Variants in CHD1L observed in about 807,000 individuals in gnomAD.
CHD1L encodes ATP-dependent chromatin remodeler CHD1L.
A neutral mutation model predicts 115.9 loss-of-function variants in CHD1L; 118 were observed. That is an observed-to-expected ratio of 1.02 (90% CI 0.88 to 1.19). The LOEUF is 1.19. CHD1L is among the 50% of genes most tolerant of loss of function. CHD1L has a pLI of 0.00. For synonymous variants in CHD1L, 411 were observed against 387.1 expected, an observed-to-expected ratio of 1.06 and a Z score of -0.72; for missense variants, 1,179 against 1,065.3, an observed-to-expected ratio of 1.11 and a Z score of -1.49.
At chr1:147,260,694 G>T (rs1671632510) in intron 6 of CHD1L, 1 of 152,072 alleles carries the variant, frequency 6.6e-6, no homozygotes, top group African/African-American at 2.4e-5. Context: ...GTTCACCTGG[G>T]TTCATGAAGA....
At chr1:147,286,554 G>A (rs1421299291) in intron 18 of CHD1L, 54 bp downstream of exon 18, 6 of 1,541,574 alleles carry the variant, frequency 3.9e-6, no homozygotes, top group East Asian at 2.2e-5. Flanking sequence ...ATGGTGCCAA[G>A]AACTGGGGAG....
chr1:147,260,014 C>T, intron 6 of CHD1L, 96 bp downstream of exon 6: 1 of 922,754 alleles, frequency 1.1e-6, no homozygotes, highest in Non-Finnish European at 1.7e-6. Flanking sequence ...CAAAATTGAA[C>T]AGAAACTACA....
chr1:147,284,333 T>G lies in CHD1L; in HGVS notation c.1706-18T>G. 1 of 1,533,976 alleles carries G rather than the reference T, an allele frequency of 6.5e-7. No individual in the cohort carries two copies. The highest frequency in any genetic ancestry group is 8.8e-7 in the Non-Finnish European group (1 of 1,134,210). On this transcript the variant is annotated intron_variant, in intron 15 of 22. Coordinates refer to ENST00000369258, the MANE Select transcript of CHD1L (RefSeq NM_004284.6). ...CCTTGGTATCTAACATTTCTCTCTT[T>G]GTGTTTTATGTTGTTAGAAAATCAT... is the stretch of plus-strand genomic sequence containing the variant.
chr1:147,285,504 C>T lies in CHD1L; in HGVS notation c.2018+17C>T. The T allele has an allele frequency of 6.2e-7, 1 of 1,601,428 alleles. No individual in the cohort carries two copies. The highest frequency in any genetic ancestry group is 8.5e-7 in the Non-Finnish European group (1 of 1,175,726). ...TAAGAAAAAGTATGTCTGCGTTAAC[C>T]AAGCTGGCGGCCACAGTTGAAGGAG... On this transcript the variant is annotated intron_variant, in intron 17 of 22. Transcript: ENST00000369258.
At chr1:147,278,070 A>G (rs1679220808) in intron 14 of CHD1L, among the ~76,000 whole-genome samples, 1 of 152,126 alleles carries the variant, frequency 6.6e-6, no homozygotes, top group African/African-American at 2.4e-5. Context: ...GCTCATGGTT[A>G]TCGGAAAGTT....
chr1:147,293,969 AG>A (rs1686608493), intron 21 of CHD1L, among the ~76,000 whole-genome samples: 1 of 152,130 alleles, frequency 6.6e-6, no homozygotes, highest in Non-Finnish European at 1.5e-5. Flanking sequence ...TTTACAGATG[AG>A]GTGGCAGAGG....
intron 20 of CHD1L, among the ~76,000 whole-genome samples, chr1:147,292,435 A>G (rs1553971371): frequency 3.9e-5 from 6 of 152,194 alleles, no homozygotes; most frequent in Non-Finnish European, 7.3e-5. Flanking sequence ...TCATGTTCAG[A>G]TTTTAAGCCA....
chr1:147,202,414 GGTTCAA>G, the CHD1L span, among the ~76,000 whole-genome samples: 9 of 142,984 alleles, frequency 6.3e-5, no homozygotes, highest in African/African-American at 2.1e-4. Flanking sequence ...CCACCTCCCA[GGTTCAA>G]GTGATTCTGC....
chr1:147,249,404 ATTTTTTTT>A (rs59773572), intron 1 of CHD1L, among the ~76,000 whole-genome samples: 1 of 94,174 alleles, frequency 1.1e-5, no homozygotes, highest in Non-Finnish European at 1.9e-5. Flanking sequence ...CTTGGTGTGT[ATTTTTTTT>A]TTTTTTTTTT....
At chr1:147,180,925 G>A in the CHD1L span, among the ~76,000 whole-genome samples, 1 of 152,192 alleles carries the variant, frequency 6.6e-6, no homozygotes, top group Non-Finnish European at 1.5e-5. Flanking sequence ...CTTGTGTCAA[G>A]TACAAGGCTG....
intron 21 of CHD1L, among the ~76,000 whole-genome samples, chr1:147,293,940 C>CG (rs782755549): frequency 1.2e-4 from 18 of 152,088 alleles, no homozygotes; most frequent in Non-Finnish European, 2.4e-4. Flanking sequence ...CTCCATCCCC[C>CG]GGGTATTTTT....
At chr1:147,258,360 C>G (rs1670792020) in intron 5 of CHD1L, among the ~76,000 whole-genome samples, 1 of 152,204 alleles carries the variant, frequency 6.6e-6, no homozygotes, top group African/African-American at 2.4e-5. Flanking sequence ...GCCTGTTTCA[C>G]TGAACAAGCA....
chr1:147,189,842 CTCTGGCAAG>C, the CHD1L span, among the ~76,000 whole-genome samples: 1 of 152,280 alleles, frequency 6.6e-6, no homozygotes, highest in East Asian at 1.9e-4. Context: ...CTCTTCCTTC[CTCTGGCAAG>C]TCTACTAGCA....
rs140343369 is a variant in CHD1L at position 147,276,166 on chromosome 1, C to T, written c.1448C>T (p.Ala483Val). 5.0e-6 allele frequency: 8 copies of T among 1,614,084 alleles called. No individual in the cohort carries two copies. The African/African-American group carries it at 1.1e-4, about 22-fold the overall frequency. ...GTGGAAGAAATAGTCTATAGGAAAG[C>T]AGCCTCCAAACTGCAGCTCACCAAC... ...DTVEEIVYRK[A>V]ASKLQLTNMI... The change falls in exon 14 of 23, where the codon GCA (alanine) becomes GTA (valine). Residue 483 changes from alanine (A) to valine (V), a missense_variant. Physicochemically the swap from Ala to Val is moderately conservative, Grantham distance 64. Transcript: ENST00000369258.
In CHD1L at chr1:147,242,789, C is replaced by T. The variant is rs1213085797; in HGVS notation, c.86C>T (p.Ala29Val). 3.1e-6 allele frequency: 4 copies of T among 1,273,274 alleles called. No individual in the cohort carries two copies. Among genetic ancestry groups the T allele is most frequent in the Admixed American group, 7.5e-5 (2 of 26,564 alleles). The allele number at this position is 1,273,274 out of a possible 1,614,324, so 78.9% of individuals were successfully genotyped here. The change falls in exon 1 of 23, where the codon GCG (alanine) becomes GTG (valine). Residue 29 changes from alanine to valine, a missense_variant. Transcript: ENST00000369258. ...RLHTEGRAEA[A>V]RVQEQDLRQW... ...CATACTGAGGGCCGAGCCGAGGCGGCGCGGGTGCAGGAGCAGGACTTACGG... is the reference window on the plus strand; with the variant it reads ...CATACTGAGGGCCGAGCCGAGGCGGTGCGGGTGCAGGAGCAGGACTTACGG...
chr1:147,222,638 A>C, the CHD1L span, among the ~76,000 whole-genome samples: 42 of 152,380 alleles, frequency 2.8e-4, no homozygotes, highest in Middle Eastern at 0.01. Context: ...GGTGAACCAC[A>C]CAGGTGTGGT....
At chr1:147,212,482 C>T in the CHD1L span, 6 of 1,613,900 alleles carry the variant, frequency 3.7e-6, no homozygotes, top group Middle Eastern at 9.9e-4. Context: ...GTGAATCCCT[C>T]TGGGTTCTTA....
chr1:147,283,238 C>G (rs914229904), intron 15 of CHD1L, among the ~76,000 whole-genome samples: 1 of 152,000 alleles, frequency 6.6e-6, no homozygotes, highest in African/African-American at 2.4e-5. Context: ...ATTTAATTAG[C>G]AAATGCCAAT....
intron 15 of CHD1L, among the ~76,000 whole-genome samples, chr1:147,282,352 C>T (rs1329969868): frequency 2.6e-5 from 4 of 152,170 alleles, no homozygotes; most frequent in African/African-American, 7.2e-5. Flanking sequence ...GTCAAGGGCT[C>T]ATGGCACTCC....
Sources: allele counts gnomAD v4.1 joint callset (sites outside exome capture counted in the v4.1 genomes callset), GRCh38; gene constraint gnomAD v4.1.1; transcripts MANE v1.5; gene names NCBI Gene and HGNC (gene_info 2026-07-23, HGNC 2026-07-21).